Variants in DST observed in about 807,000 individuals in gnomAD.
The protein encoded by DST is dystonin.
DST carries 253 observed loss-of-function variants against 875.2 expected under a neutral mutation model. The ratio of observed to expected loss-of-function variants is 0.29; its 90% CI spans 0.26 to 0.32. The LOEUF is 0.32. DST is among the 10% of genes least tolerant of loss of function. The pLI, the probability that DST is intolerant of heterozygous loss-of-function variation, is 1.00. For synonymous variants in DST, 3,124 were observed against 3,197.1 expected (o/e 0.98, Z 0.77); for missense variants, 8,287 against 9,111.6 (o/e 0.91, Z 3.68).
intron 55 of DST, among the ~76,000 whole-genome samples, chr6:56,562,639 T>C (rs1018029944): frequency 6.6e-6 from 1 of 152,030 alleles, no homozygotes; most frequent in Non-Finnish European, 1.5e-5. Context: ...ATGTGCAGAA[T>C]GTACAGGTTT....
chr6:56,487,214 T>G lies in DST; in HGVS notation c.20937A>C (p.Gly6979=). The G allele has an allele frequency of 6.2e-7, 1 of 1,613,698 alleles. No homozygotes were observed. Residue 6979 remains glycine, a synonymous_variant, in exon 87 of 104, where the codon GGA becomes GGC. Coordinates refer to ENST00000680361, the MANE Select transcript of DST (RefSeq NM_001374736.1). ...GGGAGGTTTTCTCCTTCAGAGAACG[T>G]CCAGTCCTGTTGGTGGTGTCGTAGA... is the stretch of plus-strand genomic sequence containing the variant. ...HSVYDTTNRT[G]RSLKEKTSLA...
In DST at chr6:56,535,280, C is replaced by T; in HGVS notation, c.16783G>A (p.Ala5595Thr). 6.4e-7 allele frequency: 1 copy of T among 1,572,210 alleles called. No homozygotes were observed. The highest frequency in any genetic ancestry group is 8.6e-7 in the Non-Finnish European group (1 of 1,167,570). The change falls in exon 63 of 104, where the codon GCA (alanine) becomes ACA (threonine). Residue 5595 changes from alanine to threonine, a missense_variant. By Grantham distance (58) the Ala-to-Thr change is moderately conservative. Coordinates refer to ENST00000680361, the MANE Select transcript of DST (RefSeq NM_001374736.1). Reference protein sequence around the residue: ...KTLNKKVAQRAAQLQEALLHC... With the variant: ...KTLNKKVAQRTAQLQEALLHC... ...AGCAAGGCCTCCTGCAGCTGGGCTGCTCGCTGAGCCACCTGCAAAGTGCCA... is the reference window on the plus strand; with the variant it reads ...AGCAAGGCCTCCTGCAGCTGGGCTGTTCGCTGAGCCACCTGCAAAGTGCCA...
chr6:56,511,446 C>A, intron 72 of DST, 46 bp from the exon 73 acceptor site: 1 of 1,501,106 alleles, frequency 6.7e-7, no homozygotes, highest in Non-Finnish European at 9.0e-7. Context: ...GTCACACCTC[C>A]ATATTACAGC....
At chr6:56,619,470 T>C (rs1378211309) in intron 36 of DST, 1 of 1,612,054 alleles carries the variant, frequency 6.2e-7, no homozygotes, top group Non-Finnish European at 8.5e-7. Flanking sequence ...CTCTGGCAGA[T>C]TTGTAGTCTT....
At chr6:56,854,199 T>C (rs1394334534) in intron 3 of DST, among the ~76,000 whole-genome samples, 1 of 152,212 alleles carries the variant, frequency 6.6e-6, no homozygotes, top group Non-Finnish European at 1.5e-5. Flanking sequence ...TGCCAAATCA[T>C]GTTACTATCT....
At chr6:56,745,881 C>T (rs927341092) in intron 4 of DST, among the ~76,000 whole-genome samples, 2 of 152,170 alleles carry the variant, frequency 1.3e-5, no homozygotes, top group Non-Finnish European at 2.9e-5. Flanking sequence ...AAAATTATTT[C>T]ATATTGGCAC....
intron 5 of DST, among the ~76,000 whole-genome samples, chr6:56,730,242 T>C (rs1309781470): frequency 6.6e-6 from 1 of 152,150 alleles, no homozygotes; most frequent in African/African-American, 2.4e-5. Flanking sequence ...AAACTACTCC[T>C]CCTAAACACA....
At chr6:56,535,045 AAG>A in intron 63 of DST, 75 bp downstream of exon 63, 2 of 1,527,982 alleles carry the variant, frequency 1.3e-6, no homozygotes, top group African/African-American at 2.8e-5. Flanking sequence ...TATTAATTAA[AAG>A]AGTCACAATT....
At chr6:56,549,624 C>T (rs2097286550) in intron 61 of DST, among the ~76,000 whole-genome samples, 1 of 152,176 alleles carries the variant, frequency 6.6e-6, no homozygotes, top group Admixed American at 6.5e-5. Context: ...TCATCATTAT[C>T]ATCATCACCC....
chr6:56,817,434 G>A (rs974759230), intron 4 of DST, among the ~76,000 whole-genome samples: 3 of 152,182 alleles, frequency 2.0e-5, no homozygotes, highest in Non-Finnish European at 4.4e-5. Context: ...TGGATGTTTG[G>A]AAAGCAATTT....
chr6:56,480,291 A>G (rs1433593934), intron 90 of DST, among the ~76,000 whole-genome samples: 3 of 152,212 alleles, frequency 2.0e-5, no homozygotes, highest in Non-Finnish European at 4.4e-5. Context: ...CAACATTATA[A>G]GGAAGAGAAA....
chr6:56,715,363 C>T (rs1226957062), intron 5 of DST, among the ~76,000 whole-genome samples: 3 of 152,186 alleles, frequency 2.0e-5, no homozygotes, highest in Admixed American at 6.5e-5. Flanking sequence ...CTTCTGCATG[C>T]CAAGCCTCCT....
rs1275312749 is a variant in DST, at chr6:56,639,274, G to C, written c.2949C>G (p.Ala983=). The change falls in exon 22 of 104, where the codon GCC becomes GCG. Residue 983 remains alanine, a synonymous_variant. Transcript: ENST00000680361. ...CCAGCTTTACCTCAATAGTTAACCG[G>C]GCTGGATGATTTTCTAGAAGTAGCT... is the stretch of plus-strand genomic sequence containing the variant. ...AEQLLLENHP[A]RLTIEAYRAA... is the part of the protein sequence containing the mutation. The C allele has an allele frequency of 1.9e-6, 3 of 1,613,080 alleles. No homozygotes were observed. The African/African-American group carries it at 4.0e-5, about 22-fold the overall frequency.
chr6:56,496,293 C>T (rs2095900714), intron 82 of DST, among the ~76,000 whole-genome samples: 1 of 152,092 alleles, frequency 6.6e-6, no homozygotes, highest in African/African-American at 2.4e-5. Context: ...CATTTCAAGT[C>T]TCATCATTTT....
At chr6:56,947,888 C>T (rs1402636456) in intron 2 of DST, among the ~76,000 whole-genome samples, 1 of 115,456 alleles carries the variant, frequency 8.7e-6, no homozygotes, top group African/African-American at 3.0e-5. Flanking sequence ...ATTCCAAGAC[C>T]CCAGTGGATG....
At chr6:56,644,926 C>T (rs777385817) in intron 15 of DST, among the ~76,000 whole-genome samples, 5 of 152,118 alleles carry the variant, frequency 3.3e-5, no homozygotes, top group Non-Finnish European at 7.4e-5. Flanking sequence ...GGCGATTTCC[C>T]CCATACTGTT....
chr6:56,562,029 T>C, intron 56 of DST, 109 bp downstream of exon 56: 1 of 581,970 alleles, frequency 1.7e-6, no homozygotes, highest in Non-Finnish European at 2.9e-6. Flanking sequence ...AATACCATTG[T>C]AATTCAGGCT....
intron 89 of DST, 157 bp from the exon 90 acceptor site, chr6:56,482,335 C>T (rs1228015703): frequency 8.2e-6 from 7 of 849,818 alleles, no homozygotes; most frequent in African/African-American, 5.2e-5. Flanking sequence ...TAGAGATACA[C>T]ATATTTTACA....
intron 5 of DST, among the ~76,000 whole-genome samples, chr6:56,721,099 C>A (rs528935855): frequency 6.6e-6 from 1 of 150,794 alleles, no homozygotes; most frequent in Non-Finnish European, 1.5e-5. Flanking sequence ...GGCTGCCGGG[C>A]GGGGGCGCCC....
Sources: allele counts gnomAD v4.1 joint callset (sites outside exome capture counted in the v4.1 genomes callset), GRCh38; gene constraint gnomAD v4.1.1; transcripts MANE v1.5; gene names NCBI Gene and HGNC (gene_info 2026-07-23, HGNC 2026-07-21).